Variants in ARVCF observed in about 807,000 individuals in gnomAD.
ARVCF encodes splicing regulator ARVCF.
ARVCF carries 66 observed loss-of-function variants against 90.9 expected under a neutral mutation model. The ratio of observed to expected loss-of-function variants is 0.73; its 90% CI spans 0.60 to 0.89. The LOEUF (loss-of-function observed/expected upper bound fraction) is 0.89. Among genes scored for constraint, ARVCF ranks in the 40% least tolerant of loss-of-function variants. The pLI is 0.00. For synonymous variants in ARVCF, 653 were observed against 603.4 expected, an observed-to-expected ratio of 1.08 and a Z score of -1.21; for missense variants, 1,469 against 1,382.3, an observed-to-expected ratio of 1.06 and a Z score of -1.00.
chr22:19,997,805 T>C (rs1465159566), intron 2 of ARVCF, among the ~76,000 whole-genome samples: 1 of 152,194 alleles, frequency 6.6e-6, no homozygotes, highest in Non-Finnish European at 1.5e-5. Context: ...TGGAGAGGTG[T>C]AGTGCCCTAC....
At position 19,990,685 on chromosome 22, in the gene ARVCF, AC is replaced by A; in HGVS notation, c.109del (p.Val37LeufsTer58). 6.2e-7 allele frequency: 1 copy of A among 1,604,456 alleles called. No homozygotes were observed. Among genetic ancestry groups the A allele is most frequent in the Non-Finnish European group, 8.5e-7 (1 of 1,175,954 alleles). On this transcript the variant is annotated frameshift_variant, in exon 3 of 20. Coordinates refer to ENST00000263207, the MANE Select transcript of ARVCF (RefSeq NM_001670.3). LOFTEE classifies it high-confidence loss of function. Reference protein sequence around the residue: ...TRALEQERRHVALQLERAQQP... With the variant: ...TRALEQERRHXALQLERAQQP... Reference sequence around the variant, plus strand: ...CTGGGCACGCTCCAGCTGTAGGGCAACATGGCGCCGCTCCTGCTCCAGTGCC... The same window carrying A: ...CTGGGCACGCTCCAGCTGTAGGGCAAATGGCGCCGCTCCTGCTCCAGTGCC...
chr22:19,967,630 G>T, downstream of ARVCF: 1 of 316,374 alleles, frequency 3.2e-6, no homozygotes, highest in South Asian at 2.6e-5. Flanking sequence ...AGGCATGTGG[G>T]GTCGGATACC....
At chr22:19,977,728 G>A (rs987807952) in intron 8 of ARVCF, 142 bp from the exon 9 acceptor site, 11 of 1,247,982 alleles carry the variant, frequency 8.8e-6, no homozygotes, top group Non-Finnish European at 1.2e-5. Context: ...CAAAAGGGCG[G>A]TAACCGCCAG....
intron 2 of ARVCF, among the ~76,000 whole-genome samples, chr22:20,004,215 A>T (rs1385260743): frequency 6.6e-6 from 1 of 152,214 alleles, no homozygotes; most frequent in Non-Finnish European, 1.5e-5. Flanking sequence ...AGAAAAATTT[A>T]AAAAGACCTA....
intron 11 of ARVCF, among the ~76,000 whole-genome samples, chr22:19,975,159 C>G (rs1943079407): frequency 6.6e-6 from 1 of 152,216 alleles, no homozygotes; most frequent in African/African-American, 2.4e-5. Context: ...GGCTGGAGCC[C>G]TCCACCCTGG....
At chr22:20,004,571 T>C (rs552674529) in intron 2 of ARVCF, among the ~76,000 whole-genome samples, 13 of 152,160 alleles carry the variant, frequency 8.5e-5, no homozygotes, top group African/African-American at 2.9e-4. Context: ...TATCGATCTT[T>C]AAGGAGCCCA....
chr22:20,001,278 G>A (rs1411533216), intron 2 of ARVCF, among the ~76,000 whole-genome samples: 1 of 152,168 alleles, frequency 6.6e-6, no homozygotes, highest in South Asian at 2.1e-4. Flanking sequence ...AGGTTCCTCT[G>A]AGACAGGTGG....
At chr22:20,008,041 C>T (rs939138492) in intron 2 of ARVCF, among the ~76,000 whole-genome samples, 6 of 152,078 alleles carry the variant, frequency 3.9e-5, no homozygotes, top group Non-Finnish European at 8.8e-5. Flanking sequence ...CACTTCACCA[C>T]AAAATATGAA....
At position 19,993,530 on chromosome 22, in the gene ARVCF, C is replaced by G. The variant is rs1346232173; in HGVS notation, c.-18-2718G>C. On this transcript the variant is annotated intron_variant, in intron 2 of 19. Coordinates refer to ENST00000263207, the MANE Select transcript of ARVCF (RefSeq NM_001670.3). ...GCTAGGAAGGGGGACACTGCAGGGA[C>G]CTTGGCTGTCCAGCCAATGCCACCT... 4.6e-5 allele frequency among the ~76,000 whole-genome samples: 7 copies of G among 152,212 alleles called. 1 individual carries two copies. Among genetic ancestry groups the G allele is most frequent in the Non-Finnish European group, 1.0e-4 (7 of 68,032 alleles).
At chr22:19,996,486 G>A (rs982016974) in intron 2 of ARVCF, among the ~76,000 whole-genome samples, 3 of 152,204 alleles carry the variant, frequency 2.0e-5, no homozygotes, top group Non-Finnish European at 4.4e-5. Context: ...CATCACACTA[G>A]GCTCTCCACT....
rs1448803579 is a variant in ARVCF, at chr22:19,975,713, G to A, written c.1933C>T (p.Leu645=). Residue 645 remains leucine (L), a synonymous_variant, in exon 11 of 20, where the codon CTG becomes TTG. Transcript: ENST00000263207. ...EMDRNFDTLD[L]PKRTEAAKGF... is the part of the protein sequence containing the mutation. ...TTGGCGGCCTCAGTTCGCTTGGGCA[G>A]GTCTAGCGTGTCAAAGTTCCGGTCC... 6.2e-6 allele frequency: 10 copies of A among 1,613,582 alleles called. No homozygotes were observed. Among genetic ancestry groups the A allele is most frequent in the Admixed American group, 5.0e-5 (3 of 59,996 alleles).
At position 19,978,083 on chromosome 22, in the gene ARVCF, G is replaced by A; in HGVS notation, c.1581-8C>T. The A allele has an allele frequency of 1.3e-6, 2 of 1,597,112 alleles. No individual in the cohort carries two copies. Among genetic ancestry groups the A allele is most frequent in the Non-Finnish European group, 1.7e-6 (2 of 1,171,886 alleles). On this transcript the variant is annotated splice_polypyrimidine_tract_variant and splice_region_variant and intron_variant, in intron 7 of 19. Transcript: ENST00000263207. The stretch of plus-strand genomic sequence containing the variant: ...CCATCGGAGCTCACATTCCTGTGTG[G>A]CCAAGAGCAGGCCAGGTGACCCCTG...
rs1290450985 is a variant in ARVCF, at chr22:19,981,360, G to A, written c.747C>T (p.Ser249=). Residue 249 remains serine, a synonymous_variant, in exon 5 of 20, where the codon TCC becomes TCT. Coordinates refer to ENST00000263207, the MANE Select transcript of ARVCF (RefSeq NM_001670.3). ...GCTCTGCCTGGAAGCGCTCGGGCAG[G>A]GAGCGGCCACCTGGTGGCCCAGGCT... The part of the protein sequence containing the change: ...GPEPGPPGGR[S]LPERFQAEPY... 1 of 1,605,210 alleles carries A rather than the reference G, an allele frequency of 6.2e-7. No individual in the cohort carries two copies. The highest frequency in any genetic ancestry group is 1.1e-5 in the South Asian group (1 of 90,016).
chr22:19,980,314 C>A, intron 5 of ARVCF, 72 bp from the exon 6 acceptor site: 1 of 1,469,434 alleles, frequency 6.8e-7, no homozygotes, highest in Non-Finnish European at 9.0e-7. Context: ...TGCCCCATCA[C>A]ACCTTCTTCA....
At chr22:20,011,413 T>A (rs1179261241) in intron 1 of ARVCF, among the ~76,000 whole-genome samples, 1 of 152,092 alleles carries the variant, frequency 6.6e-6, no homozygotes, top group Admixed American at 6.5e-5. Context: ...TACGGTGTTT[T>A]CTAGATTGTT....
At chr22:20,010,151 T>C (rs980718456) in intron 2 of ARVCF, among the ~76,000 whole-genome samples, 6 of 152,038 alleles carry the variant, frequency 3.9e-5, no homozygotes, top group African/African-American at 1.4e-4. Context: ...CCAGTGAATG[T>C]CCAAACCAAC....
chr22:20,007,402 A>AAAAC (rs765769065), intron 2 of ARVCF, among the ~76,000 whole-genome samples: 4 of 152,266 alleles, frequency 2.6e-5, no homozygotes, highest in African/African-American at 4.8e-5. Flanking sequence ...ACTCCGTCTC[A>AAAAC]AAACAAACAA....
chr22:19,976,777 C>T, intron 9 of ARVCF, 54 bp from the exon 10 acceptor site: 13 of 1,547,298 alleles, frequency 8.4e-6, no homozygotes, highest in Non-Finnish European at 1.1e-5. Flanking sequence ...ACAGGCAGCA[C>T]TCATCACCCC....
In ARVCF at chr22:19,979,950, G is replaced by A. The variant is rs756226152; in HGVS notation, c.1189C>T (p.Arg397Trp). The A allele has an allele frequency of 2.4e-5, 38 of 1,595,146 alleles. No individual in the cohort carries two copies. The highest frequency in any genetic ancestry group is 4.6e-5 in the East Asian group (2 of 43,952). ...FENEGVKRRV[R>W]QLRGLPLLVA... ...AGCAGCGGCAGCCCCCGCAACTGCC[G>A]TACACGCCGCTTGACACCCTCGTTC... is the stretch of plus-strand genomic sequence containing the variant. The change falls in exon 6 of 20, where the codon CGG becomes TGG. Residue 397 changes from arginine to tryptophan, a missense_variant. Physicochemically the swap from Arg to Trp is moderately radical, Grantham distance 101. Coordinates refer to ENST00000263207, the MANE Select transcript of ARVCF (RefSeq NM_001670.3).
Sources: gnomAD v4.1 joint callset for allele counts (sites outside exome capture counted in the v4.1 genomes callset) on GRCh38, gnomAD v4.1.1 for gene constraint, MANE v1.5 for transcripts, NCBI Gene and HGNC (gene_info 2026-07-23, HGNC 2026-07-21) for gene names.